CLYBL: variants seen among roughly 807,000 people sequenced by gnomAD.
The protein encoded by CLYBL is citramalyl-CoA lyase, also known as citramalyl-CoA lyase, mitochondrial.
A neutral mutation model predicts 38.9 loss-of-function variants in CLYBL; 31 were observed. The ratio of observed to expected loss-of-function variants is 0.80; its 90% CI spans 0.60 to 1.08. The LOEUF (loss-of-function observed/expected upper bound fraction) is 1.08, where lower values mean the gene tolerates loss of function less well. CLYBL is among the 50% of genes least tolerant of loss of function. The probability of loss-of-function intolerance (pLI) is 0.00; values close to 1 mark genes in which losing one functional copy is unlikely to be tolerated. For synonymous variants in CLYBL, 171 were observed against 158.6 expected, an observed-to-expected ratio of 1.08 and a Z score of -0.59; for missense variants, 434 against 411.6, an observed-to-expected ratio of 1.05 and a Z score of -0.47.
chr13:99,786,826 G>A (rs1016634929), intron 2 of CLYBL, among the ~76,000 whole-genome samples: 37 of 152,172 alleles, frequency 2.4e-4, no homozygotes, highest in Admixed American at 1.4e-3. Flanking sequence ...CCCACCAACA[G>A]TGTAAAAGTG....
At chr13:99,866,498 G>A (rs2051748821) in intron 6 of CLYBL, 91 bp downstream of exon 6, 1 of 1,070,646 alleles carries the variant, frequency 9.3e-7, no homozygotes. Flanking sequence ...AATCTCATCA[G>A]ATATCTCCCA....
intron 2 of CLYBL, among the ~76,000 whole-genome samples, chr13:99,858,312 C>T (rs2051509021): frequency 6.6e-6 from 1 of 152,154 alleles, no homozygotes; most frequent in African/African-American, 2.4e-5. Flanking sequence ...CTGTGAGCAT[C>T]TTCTTAATTG....
chr13:99,817,608 C>T (rs12861278), intron 2 of CLYBL, among the ~76,000 whole-genome samples: 283 of 141,636 alleles, frequency 2.0e-3, no homozygotes, highest in South Asian at 0.016. Flanking sequence ...TGAGCAGAGA[C>T]GGCGCCACTG....
intron 1 of CLYBL, among the ~76,000 whole-genome samples, chr13:99,742,227 G>A (rs75514369): frequency 0.02 from 3,072 of 152,294 alleles, 124 homozygotes; most frequent in African/African-American, 0.069. Context: ...CTTGCACTGG[G>A]AGAAACCTGG....
chr13:99,880,780 G>A (rs954196348), intron 7 of CLYBL, among the ~76,000 whole-genome samples: 4 of 152,194 alleles, frequency 2.6e-5, no homozygotes, highest in Non-Finnish European at 4.4e-5. Flanking sequence ...CCTCCCTTCC[G>A]TGCCCCTCAT....
intron 1 of CLYBL, among the ~76,000 whole-genome samples, chr13:99,642,190 T>C (rs1231160013): frequency 2.6e-5 from 4 of 152,084 alleles, no homozygotes; most frequent in African/African-American, 7.2e-5. Context: ...CCATTCTCAT[T>C]GCAGGGGGCG....
intron 4 of CLYBL, among the ~76,000 whole-genome samples, chr13:99,864,525 T>C (rs909228383): frequency 1.3e-5 from 2 of 152,200 alleles, no homozygotes; most frequent in African/African-American, 2.4e-5. Flanking sequence ...AAATAACTTA[T>C]AGTGCAAGCA....
chr13:99,900,033 TCTC>T (rs1012507767), downstream of CLYBL, among the ~76,000 whole-genome samples: 1 of 152,052 alleles, frequency 6.6e-6, no homozygotes, highest in Non-Finnish European at 1.5e-5. Context: ...TTCAAGCAAT[TCTC>T]CTGCCTCAGC....
intron 8 of CLYBL, 89 bp downstream of exon 8, chr13:99,891,526 A>C: frequency 1.4e-6 from 1 of 693,912 alleles, no homozygotes; most frequent in Non-Finnish European, 2.5e-6. Context: ...ACCTGACTCC[A>C]TTTACAGTTC....
At chr13:99,698,939 T>C (rs920460089) in intron 1 of CLYBL, among the ~76,000 whole-genome samples, 3 of 152,246 alleles carry the variant, frequency 2.0e-5, no homozygotes, top group African/African-American at 7.2e-5. Context: ...CCAGAAGGTG[T>C]TGACATATAT....
At chr13:99,620,890 C>T (rs1461852951) in intron 1 of CLYBL, among the ~76,000 whole-genome samples, 1 of 152,102 alleles carries the variant, frequency 6.6e-6, no homozygotes, top group Non-Finnish European at 1.5e-5. Context: ...ACCTCAACTA[C>T]AAAGGAGTCA....
chr13:99,777,810 C>T (rs1566322959), intron 2 of CLYBL, among the ~76,000 whole-genome samples: 1 of 152,186 alleles, frequency 6.6e-6, no homozygotes, highest in African/African-American at 2.4e-5. Context: ...TGCTGTATTA[C>T]ATATATTGTT....
At chr13:99,813,166 C>T (rs989824021) in intron 2 of CLYBL, among the ~76,000 whole-genome samples, 5 of 151,996 alleles carry the variant, frequency 3.3e-5, no homozygotes, top group Admixed American at 6.5e-5. Flanking sequence ...ATGATACTGC[C>T]GTATTTTTTT....
chr13:99,794,302 T>C lies in CLYBL; in HGVS notation c.249+21292T>C, dbSNP rs563856132. Among the ~76,000 whole-genome samples the C allele has an allele frequency of 3.9e-5, 6 of 152,106 alleles. No homozygotes were observed. In the East Asian group the frequency reaches 1.2e-3, roughly 30 times the overall value. On this transcript the variant is annotated intron_variant, in intron 2 of 8. Coordinates refer to ENST00000339105, the MANE Select transcript of CLYBL (RefSeq NM_206808.5). ...TGGGCATGGTGGCACACACCTGTAATCCCAGCTTCTGGGAGGCTGAGGCAG... is the reference window on the plus strand; with the variant it reads ...TGGGCATGGTGGCACACACCTGTAACCCCAGCTTCTGGGAGGCTGAGGCAG...
At chr13:99,841,959 G>A (rs2051094123) in intron 2 of CLYBL, among the ~76,000 whole-genome samples, 1 of 151,546 alleles carries the variant, frequency 6.6e-6, no homozygotes. Context: ...GGGATTACAG[G>A]TGCACACCAC....
chr13:99,773,595 G>A (rs1016007037), intron 2 of CLYBL, among the ~76,000 whole-genome samples: 2 of 152,074 alleles, frequency 1.3e-5, no homozygotes, highest in Non-Finnish European at 1.5e-5. Flanking sequence ...CCATTGCGCC[G>A]CCCCACCTCC....
intron 2 of CLYBL, among the ~76,000 whole-genome samples, chr13:99,824,256 A>AGCC (rs1555313200): frequency 2.4e-5 from 2 of 82,198 alleles, no homozygotes; most frequent in South Asian, 4.4e-4. Context: ...TCTGACTAAT[A>AGCC]GCCCCCCCCA....
At chr13:99,839,976 C>T (rs970855180) in intron 2 of CLYBL, among the ~76,000 whole-genome samples, 1 of 145,216 alleles carries the variant, frequency 6.9e-6, no homozygotes, top group Non-Finnish European at 1.5e-5. Context: ...ACCCGCACTC[C>T]CCACACCCCT....
chr13:99,842,549 CAA>C (rs1190779650), intron 2 of CLYBL, among the ~76,000 whole-genome samples: 3 of 152,052 alleles, frequency 2.0e-5, no homozygotes, highest in Non-Finnish European at 4.4e-5. Context: ...ACTAGGGACA[CAA>C]GAGCTATAAA....
Sources: gnomAD v4.1 joint callset for allele counts (sites outside exome capture counted in the v4.1 genomes callset) on GRCh38, gnomAD v4.1.1 for gene constraint, MANE v1.5 for transcripts, NCBI Gene and HGNC (gene_info 2026-07-23, HGNC 2026-07-21) for gene names.